ROBO2: variants seen among roughly 807,000 people sequenced by gnomAD.
ROBO2 encodes roundabout homolog 2.
In ROBO2, 53 loss-of-function variants were observed where a neutral mutation model predicts 160.8. The observed-to-expected ratio is 0.33, with a 90% CI of 0.26 to 0.41. ROBO2 has a LOEUF of 0.41. Ranked by LOEUF, ROBO2 falls within the 10% of genes least tolerant of loss-of-function variation. ROBO2 has a pLI of 1.00. For missense variants in ROBO2, 1,577 were observed against 1,722.4 expected, an observed-to-expected ratio of 0.92 and a Z score of 1.49; for synonymous variants, 664 against 611.7, an observed-to-expected ratio of 1.09 and a Z score of -1.26.
Position 76,955,306 on chromosome 3 carries a change from A to G in ROBO2, c.110-142708A>G, listed in dbSNP as rs2079178862. ...CTTCTGCCTCTTGGTTACTATGAAT[A>G]ATGCTGCAAGAAATGTGTGTACAAA... On this transcript the variant is annotated intron_variant, in intron 2 of 26. Transcript: ENST00000487694. Among the ~76,000 whole-genome samples the G allele has an allele frequency of 2.0e-5, 3 of 152,286 alleles. No homozygotes were observed. In the South Asian group the frequency reaches 6.2e-4, roughly 32 times the overall value.
At chr3:77,180,067 C>T (rs959224582) in intron 2 of ROBO2, among the ~76,000 whole-genome samples, 2 of 151,900 alleles carry the variant, frequency 1.3e-5, no homozygotes, top group Non-Finnish European at 2.9e-5. Context: ...TTTAATTTGC[C>T]GCCTGGAAAA....
intron 2 of ROBO2, among the ~76,000 whole-genome samples, chr3:76,001,735 A>G (rs2065894916): frequency 6.6e-6 from 1 of 152,028 alleles, no homozygotes; most frequent in Non-Finnish European, 1.5e-5. Context: ...AGTAGAAATC[A>G]TGTTTCACCT....
chr3:76,146,697 GGT>G (rs139527329), intron 2 of ROBO2, among the ~76,000 whole-genome samples: 314 of 136,374 alleles, frequency 2.3e-3, no homozygotes, highest in African/African-American at 4.2e-3. Flanking sequence ...GATTACATAG[GGT>G]GTGTGTGTGT....
chr3:75,966,946 T>C (rs539911486), intron 2 of ROBO2, among the ~76,000 whole-genome samples: 1 of 151,720 alleles, frequency 6.6e-6, no homozygotes, highest in African/African-American at 2.4e-5. Flanking sequence ...TCTCTACAGA[T>C]AGTTTATCAA....
chr3:75,963,070 G>A (rs1948979889), intron 2 of ROBO2, among the ~76,000 whole-genome samples: 1 of 151,798 alleles, frequency 6.6e-6, no homozygotes, highest in Non-Finnish European at 1.5e-5. Flanking sequence ...AAAATGGCAG[G>A]TTGATGTAAC....
intron 16 of ROBO2, among the ~76,000 whole-genome samples, chr3:77,585,692 T>C (rs2094028533): frequency 1.3e-5 from 2 of 152,084 alleles, no homozygotes; most frequent in Non-Finnish European, 2.9e-5. Flanking sequence ...TATTTCTTTT[T>C]AATATCTACT....
intron 6 of ROBO2, among the ~76,000 whole-genome samples, chr3:77,538,118 C>CAAAA (rs111744386): frequency 4.1e-5 from 6 of 144,910 alleles, no homozygotes; most frequent in East Asian, 4.1e-4. Flanking sequence ...CAATAAAAAA[C>CAAAA]AAAAAAAATA....
intron 2 of ROBO2, among the ~76,000 whole-genome samples, chr3:76,098,603 GT>G (rs1247779536): frequency 8.1e-6 from 1 of 123,538 alleles, no homozygotes; most frequent in African/African-American, 2.9e-5. Flanking sequence ...TCAATTTAGA[GT>G]TTTTATATTG....
At chr3:77,030,545 A>G (rs2063254036) in intron 2 of ROBO2, among the ~76,000 whole-genome samples, 1 of 152,222 alleles carries the variant, frequency 6.6e-6, no homozygotes, top group Non-Finnish European at 1.5e-5. Context: ...TTAGTGGCTT[A>G]AAACAAGCGG....
intron 2 of ROBO2, among the ~76,000 whole-genome samples, chr3:76,273,956 T>C (rs1707764379): frequency 6.6e-6 from 1 of 151,954 alleles, no homozygotes; most frequent in Non-Finnish European, 1.5e-5. Flanking sequence ...AGTTATCACA[T>C]AGCAGAAGGG....
rs375073603 is a variant in ROBO2 at position 76,532,343 on chromosome 3, G to C, written c.110-565671G>C. On this transcript the variant is annotated intron_variant, in intron 2 of 26. Transcript: ENST00000487694. ...TCCTCGGCAGCCTTAGAAACATCCA[G>C]TCTCTTACTTGACATGCACACTTTT... Among the ~76,000 whole-genome samples, 139 of 152,284 alleles carry C rather than the reference G, an allele frequency of 9.1e-4. 1 individual carries two copies. The highest frequency in any genetic ancestry group is 3.2e-3 in the African/African-American group (135 of 41,560).
chr3:76,502,980 C>T (rs887170646), intron 2 of ROBO2, among the ~76,000 whole-genome samples: 3 of 149,372 alleles, frequency 2.0e-5, no homozygotes, highest in Non-Finnish European at 4.4e-5. Flanking sequence ...AGGGACAGAA[C>T]TAACAGGATA....
chr3:77,189,785 T>G (rs1472781981), intron 2 of ROBO2, among the ~76,000 whole-genome samples: 1 of 151,930 alleles, frequency 6.6e-6, no homozygotes, highest in Non-Finnish European at 1.5e-5. Flanking sequence ...TTAATATTTA[T>G]TGAATGCTTT....
At chr3:76,090,219 G>C (rs1456001470) in intron 2 of ROBO2, among the ~76,000 whole-genome samples, 1 of 152,072 alleles carries the variant, frequency 6.6e-6, no homozygotes, top group African/African-American at 2.4e-5. Flanking sequence ...CCAACACTTT[G>C]GGAAATTGAG....
intron 2 of ROBO2, among the ~76,000 whole-genome samples, chr3:76,186,775 A>G (rs1328184983): frequency 6.6e-6 from 1 of 151,970 alleles, no homozygotes; most frequent in African/African-American, 2.4e-5. Flanking sequence ...TCTCTAATTC[A>G]TCTCCAATTC....
At chr3:76,466,129 CAAT>C (rs1389097699) in intron 2 of ROBO2, among the ~76,000 whole-genome samples, 3 of 151,516 alleles carry the variant, frequency 2.0e-5, no homozygotes, top group Non-Finnish European at 4.4e-5. Flanking sequence ...ATTGCATGCC[CAAT>C]AATGATTCTG....
At chr3:76,070,714 G>T (rs1304539437) in intron 2 of ROBO2, among the ~76,000 whole-genome samples, 1 of 151,976 alleles carries the variant, frequency 6.6e-6, no homozygotes, top group African/African-American at 2.4e-5. Context: ...GGGCATCATG[G>T]AACCTACTGA....
At chr3:77,622,464 C>A in intron 23 of ROBO2, 32 bp downstream of exon 24, 1 of 1,589,988 alleles carries the variant, frequency 6.3e-7, no homozygotes, top group Non-Finnish European at 8.6e-7. Context: ...GAAAAACTGA[C>A]CTATTGGTAA....
At chr3:76,383,152 AAAAAT>A (rs2076719494) in intron 2 of ROBO2, among the ~76,000 whole-genome samples, 5 of 152,064 alleles carry the variant, frequency 3.3e-5, no homozygotes. Flanking sequence ...ATAGTGTTCT[AAAAAT>A]AGAAAAAAAA....
Sources: allele counts gnomAD v4.1 joint callset (sites outside exome capture counted in the v4.1 genomes callset), GRCh38; gene constraint gnomAD v4.1.1; transcripts MANE v1.5; gene names NCBI Gene and HGNC (gene_info 2026-07-23, HGNC 2026-07-21).